Variants in UBXN8 observed in about 807,000 individuals in gnomAD.
UBXN8 encodes UBX domain-containing protein 8.
In UBXN8, 27 loss-of-function variants were observed where a neutral mutation model predicts 32.1. The observed-to-expected ratio is 0.84, with a 90% CI of 0.62 to 1.16. UBXN8 has a LOEUF of 1.16. Among genes scored for constraint, UBXN8 ranks in the 50% most tolerant of loss-of-function variants. UBXN8 has a pLI of 0.00. For synonymous variants in UBXN8, 109 were observed against 111.8 expected, an observed-to-expected ratio of 0.98 and a Z score of 0.16; for missense variants, 306 against 311.4, an observed-to-expected ratio of 0.98 and a Z score of 0.13.
chr8:30,734,953 C>G (rs1419271506), intron 1 of UBXN8, among the ~76,000 whole-genome samples: 4 of 152,070 alleles, frequency 2.6e-5, no homozygotes, highest in African/African-American at 7.2e-5. Context: ...AAAAAAAACC[C>G]CACTGGACAA....
At chr8:30,734,350 G>GCTCA (rs1805030558) in intron 1 of UBXN8, 1 of 152,208 alleles carries the variant, frequency 6.6e-6, no homozygotes, top group African/African-American at 2.4e-5. Context: ...GGGTGCAGTA[G>GCTCA]CTCACACTTG....
chr8:30,754,476 A>G, intron 3 of UBXN8, 189 bp from the exon 4 acceptor site: 2 of 686,608 alleles, frequency 2.9e-6, no homozygotes, highest in South Asian at 1.7e-5. Flanking sequence ...TCAAAAACAA[A>G]TGCCTGTCCC....
intron 3 of UBXN8, chr8:30,754,352 C>T (rs1316409426): frequency 4.6e-6 from 2 of 432,406 alleles, no homozygotes; most frequent in African/African-American, 2.1e-5. Flanking sequence ...GTTGCCATAC[C>T]GGCATTCAAT....
chr8:30,764,583 G>A (rs1241556622), intron 7 of UBXN8, among the ~76,000 whole-genome samples: 3 of 152,100 alleles, frequency 2.0e-5, no homozygotes, highest in East Asian at 1.9e-4. Flanking sequence ...ATGATTTCCC[G>A]AAGAAGACTC....
intron 6 of UBXN8, 194 bp from the exon 7 acceptor site, chr8:30,763,079 C>G: frequency 1.8e-6 from 1 of 559,250 alleles, no homozygotes; most frequent in Non-Finnish European, 3.2e-6. Flanking sequence ...CTCCTGGCCT[C>G]AAGTGGTCTG....
rs553409729 is a variant in UBXN8, at chr8:30,757,650, C to A, written c.528+763C>A. Among the ~76,000 whole-genome samples, 3 of 149,504 alleles carry A rather than the reference C, an allele frequency of 2.0e-5. No individual in the cohort carries two copies. In the East Asian group the frequency reaches 6.1e-4, roughly 31 times the overall value. The stretch of plus-strand genomic sequence containing the variant: ...CCGAGGTGGGTGGATCACGAGGTCA[C>A]GAGTTCAAGACCAGCCTGGCTAAGA... On this transcript the variant is annotated intron_variant, in intron 5 of 7. Transcript: ENST00000265616.
intron 3 of UBXN8, among the ~76,000 whole-genome samples, chr8:30,753,922 A>C (rs1008471869): frequency 2.0e-5 from 3 of 151,906 alleles, no homozygotes; most frequent in Non-Finnish European, 4.4e-5. Context: ...ACAGGCACAC[A>C]CACACCACCA....
At chr8:30,737,953 A>G (rs1563555008) in intron 1 of UBXN8, among the ~76,000 whole-genome samples, 1 of 152,208 alleles carries the variant, frequency 6.6e-6, no homozygotes, top group Non-Finnish European at 1.5e-5. Flanking sequence ...GCTAAAATAC[A>G]AAGCTTTTAG....
chr8:30,732,561 G>C (rs577411187), upstream of UBXN8: 12 of 297,544 alleles, frequency 4.0e-5, no homozygotes, highest in Admixed American at 1.5e-4. Context: ...GGTCACAAAG[G>C]GGGAGGGGAC....
At chr8:30,754,874 A>G (rs1323748985) in intron 4 of UBXN8, 87 bp downstream of exon 4, 1 of 1,466,120 alleles carries the variant, frequency 6.8e-7, no homozygotes, top group Non-Finnish European at 9.0e-7. Context: ...ATGATGTTAG[A>G]CTGCTTTTAG....
At position 30,750,508 on chromosome 8, in the gene UBXN8, C is replaced by G. The variant is rs189908748; in HGVS notation, c.89-888C>G. On this transcript the variant is annotated intron_variant, in intron 1 of 7. Transcript: ENST00000265616. ...ACCCTGTCGGCCGGGCACGGTGGCTCACGCTTGTAATCCCAGAACTTTGGC... is the reference window on the plus strand; with the variant it reads ...ACCCTGTCGGCCGGGCACGGTGGCTGACGCTTGTAATCCCAGAACTTTGGC... Among the ~76,000 whole-genome samples, 20 of 151,280 alleles carry G rather than the reference C, an allele frequency of 1.3e-4. No individual in the cohort carries two copies. The East Asian group carries it at 3.9e-3, about 30-fold the overall frequency.
rs557739490 is a variant in UBXN8 at position 30,746,937 on chromosome 8, A to G, written c.88+2660A>G. On this transcript the variant is annotated intron_variant, in intron 1 of 7. Transcript: ENST00000265616. ...TCTGGGAGGCCGAGGCAGGCGAGTCATGAGGTCAAGTAATCGAGACCATCC... is the reference window on the plus strand; with the variant it reads ...TCTGGGAGGCCGAGGCAGGCGAGTCGTGAGGTCAAGTAATCGAGACCATCC... Among the ~76,000 whole-genome samples the G allele has an allele frequency of 1.5e-4, 21 of 138,262 alleles. 3 individuals are homozygous for G. The South Asian group carries it at 4.0e-3, about 26-fold the overall frequency. 90.7% of individuals were successfully genotyped at this position (138,262 alleles called of 152,430 possible).
upstream of UBXN8, among the ~76,000 whole-genome samples, chr8:30,743,871 G>A (rs1460205197): frequency 6.6e-6 from 1 of 152,230 alleles, no homozygotes; most frequent in Non-Finnish European, 1.5e-5. Context: ...TCTGGAAAGC[G>A]CTTTCTCACA....
At chr8:30,741,172 G>T (rs114756239), upstream of UBXN8, among the ~76,000 whole-genome samples, 1,333 of 152,246 alleles carry the variant, frequency 8.8e-3, 21 homozygotes, top group African/African-American at 0.031. Flanking sequence ...GATTGCTCGA[G>T]CCCAGGAGTT....
chr8:30,738,365 A>G (rs1052964335), intron 1 of UBXN8, among the ~76,000 whole-genome samples: 1 of 151,624 alleles, frequency 6.6e-6, no homozygotes, highest in Non-Finnish European at 1.5e-5. Context: ...TTAAAAAATA[A>G]TAATAATAAT....
chr8:30,766,285 C>A lies in UBXN8; in HGVS notation c.704C>A (p.Thr235Asn). The change falls in exon 8 of 8, where the codon ACT becomes AAT. Residue 235 changes from threonine (T) to asparagine (N), a missense_variant. Physicochemically the swap from Thr to Asn is moderately conservative, Grantham distance 65. Transcript: ENST00000265616. ...GYHISLYSLS[T>N]SFPRRPLAVE... Reference sequence around the variant, plus strand: ...CACATATCTCTATACAGCCTTTCTACTTCCTTTCCCAGACGGCCTCTGGCA... The same window carrying A: ...CACATATCTCTATACAGCCTTTCTAATTCCTTTCCCAGACGGCCTCTGGCA... The A allele has an allele frequency of 1.2e-6, 2 of 1,613,888 alleles. No homozygotes were observed.
At chr8:30,759,684 T>C (rs1198048510) in intron 5 of UBXN8, among the ~76,000 whole-genome samples, 2 of 149,444 alleles carry the variant, frequency 1.3e-5, no homozygotes, top group African/African-American at 2.5e-5. Flanking sequence ...GGGCCGGGTG[T>C]GGTGGCTCAC....
chr8:30,752,452 T>C (rs1805542506), intron 2 of UBXN8, among the ~76,000 whole-genome samples: 1 of 152,106 alleles, frequency 6.6e-6, no homozygotes, highest in Admixed American at 6.6e-5. Flanking sequence ...GGACTACAGG[T>C]GTGTACCACT....
In UBXN8 at chr8:30,766,621, G is replaced by A. The variant is rs1192302097; in HGVS notation, c.*227G>A. On this transcript the variant is annotated 3_prime_UTR_variant, in exon 8 of 8. Transcript: ENST00000265616. ...TACCAAATGAGAATGAGGTTGAAAT[G>A]TATGCAGTAAGGTACTCAGTAATTA... The A allele has an allele frequency of 1.4e-5, 4 of 288,454 alleles. No homozygotes were observed. Among genetic ancestry groups the A allele is most frequent in the African/African-American group, 8.5e-5 (4 of 46,812 alleles). The allele number at this position is 288,454 out of a possible 1,614,324, so 17.9% of individuals were successfully genotyped here.
Sources: allele counts gnomAD v4.1 joint callset (sites outside exome capture counted in the v4.1 genomes callset), GRCh38; gene constraint gnomAD v4.1.1; transcripts MANE v1.5; gene names NCBI Gene and HGNC (gene_info 2026-07-23, HGNC 2026-07-21).